DENND1A: variants seen among roughly 807,000 people sequenced by gnomAD.
The protein encoded by DENND1A is DENN domain containing 1A, also known as DENN domain-containing protein 1A.
Under a neutral mutation model 113.7 loss-of-function variants are expected in DENND1A, and 51 were observed. The observed-to-expected ratio is 0.45, with a 90% CI of 0.36 to 0.57. The LOEUF is 0.57. Among genes scored for constraint, DENND1A ranks in the 20% least tolerant of loss-of-function variants. DENND1A has a pLI of 0.00. For missense variants in DENND1A, 1,258 were observed against 1,395.9 expected (o/e 0.90, Z 1.57); for synonymous variants, 565 against 570.8 (o/e 0.99, Z 0.14).
At chr9:123,467,009 C>G (rs376201817) in intron 13 of DENND1A, among the ~76,000 whole-genome samples, 1 of 152,142 alleles carries the variant, frequency 6.6e-6, no homozygotes, top group Non-Finnish European at 1.5e-5. Flanking sequence ...CGTGATCACA[C>G]CACTGCACTT....
intron 2 of DENND1A, among the ~76,000 whole-genome samples, chr9:123,797,030 T>C (rs1364493965): frequency 2.6e-5 from 4 of 152,198 alleles, no homozygotes; most frequent in Admixed American, 6.5e-5. Flanking sequence ...CTTTCACTTT[T>C]AACATGTTAG....
At chr9:123,505,563 T>A (rs1483982817) in intron 13 of DENND1A, among the ~76,000 whole-genome samples, 1 of 152,176 alleles carries the variant, frequency 6.6e-6, no homozygotes, top group East Asian at 1.9e-4. Flanking sequence ...TAAACCAAAC[T>A]CCCTTAAAGG....
intron 15 of DENND1A, among the ~76,000 whole-genome samples, chr9:123,455,054 T>C (rs1226594994): frequency 2.0e-5 from 3 of 152,108 alleles, no homozygotes; most frequent in Non-Finnish European, 4.4e-5. Flanking sequence ...ACTCCTGACC[T>C]CAAGTGATCC....
At chr9:123,759,200 C>A (rs1447514817) in intron 4 of DENND1A, 1 of 152,164 alleles carries the variant, frequency 6.6e-6, no homozygotes, top group African/African-American at 2.4e-5. Context: ...ATTTAAACAT[C>A]CCGCTTCCGT....
chr9:123,694,372 G>C (rs555598741), intron 5 of DENND1A, among the ~76,000 whole-genome samples: 1 of 152,162 alleles, frequency 6.6e-6, no homozygotes, highest in Non-Finnish European at 1.5e-5. Flanking sequence ...GCCCAACCAG[G>C]TGAGGCAAAG....
intron 1 of DENND1A, among the ~76,000 whole-genome samples, chr9:123,919,903 AGG>A: frequency 6.6e-6 from 1 of 151,070 alleles, no homozygotes; most frequent in African/African-American, 2.4e-5. Context: ...AAAAAAAAAA[AGG>A]ATGATATGAC....
At chr9:123,749,173 A>T (rs1402523539) in intron 5 of DENND1A, among the ~76,000 whole-genome samples, 3 of 152,198 alleles carry the variant, frequency 2.0e-5, no homozygotes, top group African/African-American at 7.2e-5. Context: ...CACCAGCCAA[A>T]GAGCTTGGAA....
intron 11 of DENND1A, among the ~76,000 whole-genome samples, chr9:123,597,054 C>T (rs2059726191): frequency 6.6e-6 from 1 of 152,162 alleles, no homozygotes; most frequent in Non-Finnish European, 1.5e-5. Flanking sequence ...TCCCTAGTCC[C>T]CAAATGGTTT....
At chr9:123,628,499 T>C (rs2061337312) in intron 10 of DENND1A, among the ~76,000 whole-genome samples, 1 of 151,998 alleles carries the variant, frequency 6.6e-6, no homozygotes, top group South Asian at 2.1e-4. Context: ...GCTGGAGACC[T>C]GGGTACAGGG....
At chr9:123,799,642 T>C (rs1220407213) in intron 2 of DENND1A, among the ~76,000 whole-genome samples, 1 of 152,192 alleles carries the variant, frequency 6.6e-6, no homozygotes. Context: ...ATATACAATA[T>C]AGTGAATAGG....
intron 8 of DENND1A, among the ~76,000 whole-genome samples, chr9:123,658,423 A>G (rs1179462542): frequency 2.6e-5 from 4 of 152,202 alleles, no homozygotes; most frequent in Non-Finnish European, 1.5e-5. Context: ...TGCTCATTTA[A>G]TTATTGCCTG....
At chr9:123,890,943 C>T (rs1317347404) in intron 1 of DENND1A, among the ~76,000 whole-genome samples, 1 of 152,030 alleles carries the variant, frequency 6.6e-6, no homozygotes, top group African/African-American at 2.4e-5. Flanking sequence ...ACCCATGTAA[C>T]CCCTATTCCA....
At chr9:123,440,248 G>T in intron 19 of DENND1A, 112 bp downstream of exon 19, 1 of 1,241,966 alleles carries the variant, frequency 8.1e-7, no homozygotes, top group Non-Finnish European at 1.1e-6. Context: ...CCATGGAGCT[G>T]CACTGCCAAA....
rs2060709588 is a variant in DENND1A, at chr9:123,617,429, A to G, written c.720-7948T>C. ...CACTGGAGCTGATCAGTGACTGGGA[A>G]AGGGAGGACAATGCCCTTCTGAGTG... is the stretch of plus-strand genomic sequence containing the variant. On this transcript the variant is annotated intron_variant, in intron 10 of 23. Coordinates refer to ENST00000394215, the MANE Select transcript of DENND1A (RefSeq NM_001352964.2). Among the ~76,000 whole-genome samples, 4 of 152,298 alleles carry G rather than the reference A, an allele frequency of 2.6e-5. No homozygotes were observed. In the South Asian group the frequency reaches 8.3e-4, roughly 32 times the overall value.
intron 9 of DENND1A, among the ~76,000 whole-genome samples, chr9:123,651,397 C>T (rs191699749): frequency 6.6e-6 from 1 of 152,064 alleles, no homozygotes; most frequent in East Asian, 1.9e-4. Flanking sequence ...CACGTACACA[C>T]GTGCGCACAT....
chr9:123,461,369 TAAAG>T (rs2048508998), intron 13 of DENND1A, among the ~76,000 whole-genome samples: 1 of 152,112 alleles, frequency 6.6e-6, no homozygotes, highest in African/African-American at 2.4e-5. Flanking sequence ...GGATGCTGGT[TAAAG>T]AACCACGAAA....
At chr9:123,629,963 T>C (rs1203389467) in intron 10 of DENND1A, among the ~76,000 whole-genome samples, 2 of 152,172 alleles carry the variant, frequency 1.3e-5, no homozygotes, top group African/African-American at 2.4e-5. Flanking sequence ...CAGAGTGTCA[T>C]GACATATAAG....
At chr9:123,693,836 A>ATTC (rs1564961389) in intron 5 of DENND1A, among the ~76,000 whole-genome samples, 2 of 147,576 alleles carry the variant, frequency 1.4e-5, no homozygotes, top group Non-Finnish European at 3.0e-5. Context: ...TATTATTATT[A>ATTC]TTATTATTTT....
intron 21 of DENND1A, among the ~76,000 whole-genome samples, chr9:123,395,751 C>G (rs112443639): frequency 6.6e-6 from 1 of 152,140 alleles, no homozygotes; most frequent in African/African-American, 2.4e-5. Flanking sequence ...TTCATACGCA[C>G]GTCCTAATCA....
Sources: gnomAD v4.1 joint callset for allele counts (sites outside exome capture counted in the v4.1 genomes callset) on GRCh38, gnomAD v4.1.1 for gene constraint, MANE v1.5 for transcripts, NCBI Gene and HGNC (gene_info 2026-07-23, HGNC 2026-07-21) for gene names.